Variants in DAB1 observed in about 807,000 individuals in gnomAD.
DAB1 encodes DAB adaptor protein 1, also known as disabled homolog 1.
Under a neutral mutation model 64.6 loss-of-function variants are expected in DAB1, and 15 were observed. The ratio of observed to expected loss-of-function variants is 0.23; its 90% CI spans 0.16 to 0.36. The LOEUF is 0.36. DAB1 is among the 10% of genes least tolerant of loss of function. The probability of loss-of-function intolerance (pLI) is 1.00; values close to 1 mark genes in which losing one functional copy is unlikely to be tolerated. For missense variants in DAB1, 596 were observed against 706.7 expected (o/e 0.84, Z 1.78); for synonymous variants, 235 against 251.9 (o/e 0.93, Z 0.64).
At chr1:57,834,354 T>C (rs1652716898) in intron 1 of DAB1, among the ~76,000 whole-genome samples, 1 of 152,194 alleles carries the variant, frequency 6.6e-6, no homozygotes, top group African/African-American at 2.4e-5. Context: ...CTAACTAATA[T>C]AAGGAGAAAG....
At chr1:58,467,276 A>G (rs1291035530) in intron 3 of DAB1, among the ~76,000 whole-genome samples, 1 of 152,198 alleles carries the variant, frequency 6.6e-6, no homozygotes, top group East Asian at 1.9e-4. Flanking sequence ...TGTGGCCTGG[A>G]CCCCAGCTGC....
intron 7 of DAB1, among the ~76,000 whole-genome samples, chr1:57,531,691 G>C (rs1431719243): frequency 6.6e-6 from 1 of 152,142 alleles, no homozygotes; most frequent in Non-Finnish European, 1.5e-5. Context: ...GCAACTGCAG[G>C]AAAGAGCAGG....
chr1:58,282,191 A>G (rs1295542286), intron 4 of DAB1, among the ~76,000 whole-genome samples: 1 of 152,152 alleles, frequency 6.6e-6, no homozygotes, highest in Non-Finnish European at 1.5e-5. Flanking sequence ...TCTTCCCCAG[A>G]GAAGCCTTCC....
At chr1:58,288,043 A>C (rs1266164155) in intron 4 of DAB1, among the ~76,000 whole-genome samples, 2 of 151,218 alleles carry the variant, frequency 1.3e-5, no homozygotes, top group Non-Finnish European at 2.9e-5. Flanking sequence ...AAAAAAAAAA[A>C]AAGAAAAAAA....
intron 3 of DAB1, among the ~76,000 whole-genome samples, chr1:58,422,031 G>A (rs1175102661): frequency 6.6e-6 from 1 of 151,772 alleles, no homozygotes; most frequent in Non-Finnish European, 1.5e-5. Context: ...TCTGAGTTCT[G>A]GGATTCCAGA....
intron 7 of DAB1, among the ~76,000 whole-genome samples, chr1:57,626,200 G>C (rs1054063038): frequency 5.3e-5 from 8 of 152,094 alleles, no homozygotes; most frequent in Admixed American, 6.6e-5. Flanking sequence ...GTGTCAAGGA[G>C]GCTGTATTCC....
chr1:57,153,359 G>T (rs1031651798), intron 2 of DAB1, among the ~76,000 whole-genome samples: 42 of 152,090 alleles, frequency 2.8e-4, no homozygotes, highest in South Asian at 1.0e-3. Context: ...CTTTTTCTTA[G>T]AACTTTTTGG....
In DAB1 at chr1:58,506,808, T is replaced by C. The variant is rs1211061678; in HGVS notation, n.108-599A>G. The stretch of plus-strand genomic sequence containing the variant: ...GACATGTTTATTATGCACATCAATT[T>C]ACCCAATTTTCTCAATGTATATGGA... On this transcript the variant is annotated intron_variant and non_coding_transcript_variant, in intron 2 of 20. Transcript: ENST00000485760. Among the ~76,000 whole-genome samples the C allele has an allele frequency of 2.0e-5, 3 of 152,302 alleles. No homozygotes were observed. In the East Asian group the frequency reaches 5.8e-4, roughly 29 times the overall value.
chr1:57,569,864 G>T (rs1375913278), intron 7 of DAB1, among the ~76,000 whole-genome samples: 1 of 152,086 alleles, frequency 6.6e-6, no homozygotes, highest in South Asian at 2.1e-4. Flanking sequence ...TAGTATTTGG[G>T]TTGGGGATTG....
intron 7 of DAB1, among the ~76,000 whole-genome samples, chr1:57,514,255 C>A (rs530116114): frequency 6.6e-6 from 1 of 152,112 alleles, no homozygotes; most frequent in African/African-American, 2.4e-5. Flanking sequence ...TTTTAAGGAA[C>A]CTTCATACTT....
intron 2 of DAB1, among the ~76,000 whole-genome samples, chr1:58,509,349 A>G (rs770895723): frequency 6.6e-6 from 1 of 152,098 alleles, no homozygotes; most frequent in Non-Finnish European, 1.5e-5. Context: ...GTAAAAAAGT[A>G]CTAAACAGAA....
chr1:58,225,033 A>C (rs907829357), intron 4 of DAB1, among the ~76,000 whole-genome samples: 10 of 152,218 alleles, frequency 6.6e-5, no homozygotes, highest in African/African-American at 2.2e-4. Context: ...CAACCTACAG[A>C]ATGGGAGAAA....
intron 1 of DAB1, chr1:57,867,552 C>T (rs1654362098): frequency 6.6e-6 from 1 of 152,176 alleles, no homozygotes; most frequent in Non-Finnish European, 1.5e-5. Context: ...ACCCACATCT[C>T]TGAAGCTAGA....
At chr1:57,491,980 A>C (rs2805883) in intron 7 of DAB1, among the ~76,000 whole-genome samples, 94,045 of 151,512 alleles carry the variant, frequency 0.62, 29,495 homozygotes, top group Non-Finnish European at 0.67. Context: ...CTAAAATGTG[A>C]CTGACACATT....
intron 3 of DAB1, among the ~76,000 whole-genome samples, chr1:58,362,822 A>T (rs888787396): frequency 1.3e-5 from 2 of 152,120 alleles, no homozygotes; most frequent in Admixed American, 1.3e-4. Flanking sequence ...TGCCCAAATC[A>T]CTCTGTGGGA....
At chr1:57,249,946 A>G (rs979889291) in intron 2 of DAB1, among the ~76,000 whole-genome samples, 13 of 152,146 alleles carry the variant, frequency 8.5e-5, no homozygotes, top group African/African-American at 2.9e-4. Flanking sequence ...TTTTATTGTT[A>G]TAAATATACA....
At chr1:57,241,193 A>G (rs1668469169) in intron 2 of DAB1, among the ~76,000 whole-genome samples, 1 of 152,186 alleles carries the variant, frequency 6.6e-6, no homozygotes. Flanking sequence ...TATTGAACTT[A>G]GCTTTTTTCT....
chr1:57,987,109 T>A (rs1646237830), intron 5 of DAB1, among the ~76,000 whole-genome samples: 1 of 152,164 alleles, frequency 6.6e-6, no homozygotes, highest in South Asian at 2.1e-4. Flanking sequence ...AAAATATTTT[T>A]AAAATAGAAC....
At chr1:57,359,900 TAG>T (rs948602672) in intron 1 of DAB1, among the ~76,000 whole-genome samples, 2 of 151,768 alleles carry the variant, frequency 1.3e-5, no homozygotes, top group Admixed American at 1.3e-4. Context: ...CTCATAGAAG[TAG>T]AGAGTAGAAT....
Sources: allele counts gnomAD v4.1 joint callset (sites outside exome capture counted in the v4.1 genomes callset), GRCh38; gene constraint gnomAD v4.1.1; transcripts MANE v1.5; gene names NCBI Gene and HGNC (gene_info 2026-07-23, HGNC 2026-07-21).